The following DNAJC16 variants were observed in gnomAD, a reference collection of about 807,000 sequenced individuals.
DNAJC16 encodes DnaJ heat shock protein family (Hsp40) member C16.
In DNAJC16, 76 loss-of-function variants were observed where a neutral mutation model predicts 92.7. The observed-to-expected ratio is 0.82, with a 90% CI of 0.68 to 0.99. DNAJC16 has a LOEUF of 0.99. DNAJC16 is among the 50% of genes least tolerant of loss of function. DNAJC16 has a pLI of 0.00. For synonymous variants in DNAJC16, 328 were observed against 358.7 expected, an observed-to-expected ratio of 0.91 and a Z score of 0.97; for missense variants, 869 against 942.4, an observed-to-expected ratio of 0.92 and a Z score of 1.02.
chr1:15,563,704 C>T (rs1321514017), intron 9 of DNAJC16, among the ~76,000 whole-genome samples: 1 of 148,140 alleles, frequency 6.8e-6, no homozygotes, highest in Non-Finnish European at 1.5e-5. Context: ...CAAAAATTAG[C>T]CAGGCATGGT....
chr1:15,568,694 C>T lies in DNAJC16; in HGVS notation c.*517C>T, dbSNP rs554186000. 6 of 399,156 alleles carry T rather than the reference C, an allele frequency of 1.5e-5. No homozygotes were observed. In the South Asian group the frequency reaches 7.6e-4, roughly 51 times the overall value. The allele number at this position is 399,156 out of a possible 1,614,324, so 24.7% of individuals were successfully genotyped here. A position where few individuals can be genotyped will look rare whatever the true frequency, so the allele number is the denominator to read the frequency against. On this transcript the variant is annotated 3_prime_UTR_variant, in exon 15 of 15. Coordinates refer to ENST00000375847, the MANE Select transcript of DNAJC16 (RefSeq NM_015291.4). ...GGAAAAAGGCCCCTTTCCAAGCAAT[C>T]TCACGTTTACTGGTTGTTCTGGGAG...
Position 15,567,284 on chromosome 1 carries a change from G to C in DNAJC16, c.1949+15G>C. 1 of 1,608,680 alleles carries C rather than the reference G, an allele frequency of 6.2e-7. No individual in the cohort carries two copies. Among genetic ancestry groups the C allele is most frequent in the South Asian group, 1.1e-5 (1 of 90,962 alleles). Reference sequence around the variant, plus strand: ...ACATTTACTGGGTAAGCATGTGTGTGTGTGCATGTATGTATGTGTGTGAGA... The same window carrying C: ...ACATTTACTGGGTAAGCATGTGTGTCTGTGCATGTATGTATGTGTGTGAGA... On this transcript the variant is annotated intron_variant, in intron 14 of 14. Transcript: ENST00000375847.
Position 15,566,002 on chromosome 1 carries a change from A to G in DNAJC16, c.1679+3A>G, listed in dbSNP as rs1164019595. 2 of 1,613,648 alleles carry G rather than the reference A, an allele frequency of 1.2e-6. No homozygotes were observed. The highest frequency in any genetic ancestry group is 4.5e-5 in the East Asian group (2 of 44,890). On this transcript the variant is annotated splice_donor_region_variant and intron_variant, in intron 12 of 14. Transcript: ENST00000375847. ...ACTGTCATCGTTCAGGCTTTCAGGT[A>G]AATGTCCTGTGGCTTCTCGGTGCAC...
At chr1:15,555,758 C>T (rs1349473426) in intron 7 of DNAJC16, among the ~76,000 whole-genome samples, 3 of 150,252 alleles carry the variant, frequency 2.0e-5, no homozygotes, top group Non-Finnish European at 4.4e-5. Context: ...GAGGCCAAGT[C>T]GGGTGGATCA....
intron 9 of DNAJC16, 27 bp downstream of exon 9, chr1:15,562,352 C>T (rs760938421): frequency 1.9e-6 from 3 of 1,590,052 alleles, no homozygotes; most frequent in Non-Finnish European, 2.6e-6. Flanking sequence ...CTCCTCATCC[C>T]AGGCTCTTCA....
chr1:15,564,496 T>C (rs1259209250), intron 11 of DNAJC16, 137 bp downstream of exon 11: 2 of 629,582 alleles, frequency 3.2e-6, no homozygotes, highest in East Asian at 5.6e-5. Context: ...ACACATTTTC[T>C]ATTCCCCTTT....
chr1:15,554,730 T>A (rs1638526061), intron 7 of DNAJC16, among the ~76,000 whole-genome samples: 1 of 152,196 alleles, frequency 6.6e-6, no homozygotes, highest in African/African-American at 2.4e-5. Flanking sequence ...TACTGGTGTC[T>A]TATTGGGTTT....
Position 15,568,717 on chromosome 1 carries a change from G to C in DNAJC16, c.*540G>C, listed in dbSNP as rs1207947128. On this transcript the variant is annotated 3_prime_UTR_variant, in exon 15 of 15. Transcript: ENST00000375847. ...ATCTCACGTTTACTGGTTGTTCTGGGAGTAAGTGGCTAAATGTATATTTTG... is the reference window on the plus strand; with the variant it reads ...ATCTCACGTTTACTGGTTGTTCTGGCAGTAAGTGGCTAAATGTATATTTTG... 1 of 398,874 alleles carries C rather than the reference G, an allele frequency of 2.5e-6. No individual in the cohort carries two copies. The highest frequency in any genetic ancestry group is 4.4e-6 in the Non-Finnish European group (1 of 226,372). 24.7% of individuals were successfully genotyped at this position (398,874 alleles called of 1,614,324 possible).
At chr1:15,543,428 C>T (rs1311959648) in intron 4 of DNAJC16, among the ~76,000 whole-genome samples, 4 of 152,186 alleles carry the variant, frequency 2.6e-5, no homozygotes, top group African/African-American at 7.2e-5. Flanking sequence ...ACAGCAAGGA[C>T]GCTGGGGACT....
rs372806239 is a variant in DNAJC16 at position 15,529,067 on chromosome 1, T to C, written c.-18-21T>C. Reference sequence around the variant, plus strand: ...TCCAGGTTTCTGCCACTGAAACTCATTGCCTCTTCAATCATTTCAGCTCTG... The same window carrying C: ...TCCAGGTTTCTGCCACTGAAACTCACTGCCTCTTCAATCATTTCAGCTCTG... On this transcript the variant is annotated intron_variant, in intron 1 of 14. Coordinates refer to ENST00000375847, the MANE Select transcript of DNAJC16 (RefSeq NM_015291.4). 8.7e-6 allele frequency: 14 copies of C among 1,606,754 alleles called. No individual in the cohort carries two copies. In the African/African-American group the frequency reaches 1.5e-4, roughly 17 times the overall value.
At chr1:15,559,478 C>T (rs1478509174) in intron 7 of DNAJC16, 48 bp from the exon 8 acceptor site, 3 of 1,608,092 alleles carry the variant, frequency 1.9e-6, no homozygotes, top group Non-Finnish European at 2.5e-6. Flanking sequence ...CATCTATTTG[C>T]ATTGAGAACA....
chr1:15,570,318 G>A lies in DNAJC16; in HGVS notation c.*2141G>A, dbSNP rs1427309601. 1 of 151,992 alleles carries A rather than the reference G, an allele frequency of 6.6e-6. No homozygotes were observed. The highest frequency in any genetic ancestry group is 1.5e-5 in the Non-Finnish European group (1 of 68,004). 9.4% of individuals were successfully genotyped at this position (151,992 alleles called of 1,614,324 possible). On this transcript the variant is annotated 3_prime_UTR_variant, in exon 15 of 15. Coordinates refer to ENST00000375847, the MANE Select transcript of DNAJC16 (RefSeq NM_015291.4). Reference sequence around the variant, plus strand: ...TAGTAGGTTTTTATTTTTAATTTCTGTACTAATGAAATTCCTGACTTTAAT... The same window carrying A: ...TAGTAGGTTTTTATTTTTAATTTCTATACTAATGAAATTCCTGACTTTAAT...
chr1:15,542,536 T>G (rs1297600167), intron 4 of DNAJC16, among the ~76,000 whole-genome samples: 1 of 152,212 alleles, frequency 6.6e-6, no homozygotes. Context: ...AATGTTCCCC[T>G]GAGTTCTGTG....
At chr1:15,559,383 C>A in intron 7 of DNAJC16, 143 bp from the exon 8 acceptor site, 2 of 1,079,272 alleles carry the variant, frequency 1.9e-6, no homozygotes, top group Non-Finnish European at 2.7e-6. Context: ...CATGTTTATT[C>A]GCTCAAACAG....
At chr1:15,532,315 G>A (rs1166028497) in intron 2 of DNAJC16, among the ~76,000 whole-genome samples, 3 of 152,064 alleles carry the variant, frequency 2.0e-5, no homozygotes, top group African/African-American at 4.8e-5. Context: ...TAAAGATTGT[G>A]TATTATATTG....
intron 7 of DNAJC16, among the ~76,000 whole-genome samples, chr1:15,556,998 C>G (rs1298764098): frequency 6.6e-6 from 1 of 152,198 alleles, no homozygotes; most frequent in East Asian, 1.9e-4. Context: ...AATTCATTCT[C>G]TAATGTTAAA....
intron 9 of DNAJC16, among the ~76,000 whole-genome samples, chr1:15,563,251 G>A (rs1271550468): frequency 1.3e-5 from 2 of 152,094 alleles, no homozygotes; most frequent in South Asian, 2.1e-4. Flanking sequence ...TTCTTAGGCC[G>A]AACGCGGTGG....
intron 5 of DNAJC16, among the ~76,000 whole-genome samples, chr1:15,545,622 C>T (rs1175162194): frequency 6.6e-6 from 1 of 152,088 alleles, no homozygotes; most frequent in Non-Finnish European, 1.5e-5. Flanking sequence ...TGAAATAGCC[C>T]GCTTTGTAAG....
chr1:15,534,880 G>A (rs576000015), intron 3 of DNAJC16, among the ~76,000 whole-genome samples: 221 of 152,216 alleles, frequency 1.5e-3, no homozygotes, highest in Non-Finnish European at 2.9e-3. Context: ...TGCCTTCTTA[G>A]AAATATGCAT....
Sources: gnomAD v4.1 joint callset for allele counts (sites outside exome capture counted in the v4.1 genomes callset) on GRCh38, gnomAD v4.1.1 for gene constraint, MANE v1.5 for transcripts, NCBI Gene and HGNC (gene_info 2026-07-23, HGNC 2026-07-21) for gene names.